Variants in MED16 observed in about 807,000 individuals in gnomAD.
MED16 encodes the protein mediator complex subunit 16.
A neutral mutation model predicts 84.4 loss-of-function variants in MED16; 81 were observed. The observed-to-expected ratio is 0.96, with a 90% CI of 0.80 to 1.15. MED16 has a LOEUF of 1.15. Ranked by LOEUF, MED16 falls within the 50% of genes most tolerant of loss-of-function variation. MED16 has a pLI of 0.00. For missense variants in MED16, 1,585 were observed against 1,245.9 expected, an observed-to-expected ratio of 1.27 and a Z score of -4.10; for synonymous variants, 897 against 552.2, an observed-to-expected ratio of 1.62 and a Z score of -8.76.
intron 6 of MED16, 83 bp from the exon 7 acceptor site, chr19:881,797 T>G (rs897125601): frequency 3.3e-6 from 5 of 1,502,824 alleles, no homozygotes; most frequent in Non-Finnish European, 4.5e-6. Flanking sequence ...CATGGCCTGG[T>G]GTGCAACCTG....
Position 871,428 on chromosome 19 carries a change from C to T in MED16, c.2099-175G>A, listed in dbSNP as rs544944778. On this transcript the variant is annotated intron_variant, in intron 12 of 15. Transcript: ENST00000325464. Reference sequence around the variant, plus strand: ...CAGGTCGGGGCCCCGGCTCTGCCTGCCTGGCTGGGTGACCCCAGAGTTCTC... The same window carrying T: ...CAGGTCGGGGCCCCGGCTCTGCCTGTCTGGCTGGGTGACCCCAGAGTTCTC... Among the ~76,000 whole-genome samples the T allele has an allele frequency of 3.9e-5, 6 of 152,224 alleles. No homozygotes were observed. In the South Asian group the frequency reaches 6.2e-4, roughly 16 times the overall value.
chr19:877,090 T>C lies in MED16; in HGVS notation c.1444A>G (p.Met482Val). 6.2e-7 allele frequency: 1 copy of C among 1,612,662 alleles called. No individual in the cohort carries two copies. Among genetic ancestry groups the C allele is most frequent in the Non-Finnish European group, 8.5e-7 (1 of 1,179,892 alleles). ...RHLLFLLEYC[M>V]VTGYDWWDIL... ...TCCCACCAGTCGTAGCCGGTCACCATGCAGTACTCCAGCAGGAAGAGCAGG... is the reference window on the plus strand; with the variant it reads ...TCCCACCAGTCGTAGCCGGTCACCACGCAGTACTCCAGCAGGAAGAGCAGG... Residue 482 changes from methionine (M) to valine (V), a missense_variant, in exon 9 of 16, where the codon ATG becomes GTG. Coordinates refer to ENST00000325464, the MANE Select transcript of MED16 (RefSeq NM_005481.3).
chr19:870,092 CG>C (rs148143550), intron 13 of MED16, among the ~76,000 whole-genome samples: 3,731 of 152,296 alleles, frequency 0.024, 160 homozygotes, highest in African/African-American at 0.085. Context: ...CTCTTGCCCC[CG>C]GGAGATCCTC....
At chr19:871,553 C>T in intron 12 of MED16, 3 of 1,588,778 alleles carry the variant, frequency 1.9e-6, no homozygotes, top group Non-Finnish European at 2.6e-6. Flanking sequence ...AATGACACAG[C>T]TCACCCTCCT....
rs1314248123 is a variant in MED16, at chr19:889,794, C to T, written c.291G>A (p.Leu97=). ...TGATCTGCCCGTCGGCATCTGCTGA[C>T]AGGAGCCGGGAGCCTGAGGGCAAGA... ...LEWDQSGSRL[L]SADADGQIKC... Residue 97 remains leucine, a synonymous_variant, in exon 4 of 16, where the codon CTG becomes CTA. Transcript: ENST00000325464. The T allele has an allele frequency of 1.2e-6, 2 of 1,611,524 alleles. No homozygotes were observed. Among genetic ancestry groups the T allele is most frequent in the Non-Finnish European group, 1.7e-6 (2 of 1,179,236 alleles).
intron 6 of MED16, among the ~76,000 whole-genome samples, chr19:882,846 A>G: frequency 6.6e-6 from 1 of 152,140 alleles, no homozygotes; most frequent in East Asian, 1.9e-4. Context: ...ACGGGCCATC[A>G]CGGTCACAGA....
rs369178757 is a variant in MED16, at chr19:868,411, C to T, written c.2483+5G>A. On this transcript the variant is annotated splice_donor_5th_base_variant and intron_variant, in intron 15 of 15. Transcript: ENST00000325464. ...AGGGGCACCCGCCACCAGAGCCCAC[C>T]GCACAGGCAGTTCTTGATCCAGCGC... 2.3e-5 allele frequency: 37 copies of T among 1,609,416 alleles called. No homozygotes were observed. The highest frequency in any genetic ancestry group is 2.8e-5 in the Non-Finnish European group (33 of 1,179,846).
chr19:890,304 G>T, intron 2 of MED16, 60 bp from the exon 3 acceptor site: 1 of 1,225,710 alleles, frequency 8.2e-7, no homozygotes, highest in Non-Finnish European at 1.1e-6. Flanking sequence ...CGATGACGAT[G>T]ACTCCAGGCA....
chr19:877,476 T>A (rs1366540258), intron 8 of MED16, among the ~76,000 whole-genome samples: 1 of 150,158 alleles, frequency 6.7e-6, no homozygotes, highest in Non-Finnish European at 1.5e-5. Context: ...GGCGGTCCTC[T>A]CAACAGCTCC....
Position 885,838 on chromosome 19 carries a change from G to C in MED16, c.811C>G (p.Leu271Val), listed in dbSNP as rs768685538. 3 of 1,613,714 alleles carry C rather than the reference G, an allele frequency of 1.9e-6. No homozygotes were observed. The highest frequency in any genetic ancestry group is 1.7e-6 in the Non-Finnish European group (2 of 1,179,976). The change falls in exon 5 of 16, where the codon CTC becomes GTC. Residue 271 changes from leucine (L) to valine (V), a missense_variant. By Grantham distance (32) the Leu-to-Val change is conservative. Coordinates refer to ENST00000325464, the MANE Select transcript of MED16 (RefSeq NM_005481.3). ...PSLFMRCTTDLNRKDKFPAIT... is the reference protein window; with the variant it reads ...PSLFMRCTTDVNRKDKFPAIT... ...GCGGGAAACTTGTCCTTGCGGTTGA[G>C]GTCGGTGGTGCAGCGCATGAACAGG...
intron 10 of MED16, 26 bp from the exon 11 acceptor site, chr19:873,608 G>A: frequency 6.2e-7 from 1 of 1,610,794 alleles, no homozygotes; most frequent in Non-Finnish European, 8.5e-7. Context: ...GGTCGGGTCA[G>A]CTCGGGCCTC....
In MED16 at chr19:889,810, G is replaced by A. The variant is rs757603192; in HGVS notation, c.278-3C>T. Reference sequence around the variant, plus strand: ...ATCTGCTGACAGGAGCCGGGAGCCTGAGGGCAAGAAGCCATCATTGCGAAC... The same window carrying A: ...ATCTGCTGACAGGAGCCGGGAGCCTAAGGGCAAGAAGCCATCATTGCGAAC... On this transcript the variant is annotated splice_polypyrimidine_tract_variant and splice_region_variant and intron_variant, in intron 3 of 15. Coordinates refer to ENST00000325464, the MANE Select transcript of MED16 (RefSeq NM_005481.3). The A allele has an allele frequency of 2.5e-6, 4 of 1,608,306 alleles. No individual in the cohort carries two copies. The African/African-American group carries it at 5.3e-5, about 21-fold the overall frequency.
chr19:890,349 G>T (rs1489593848), intron 2 of MED16, 105 bp from the exon 3 acceptor site: 1 of 738,552 alleles, frequency 1.4e-6, no homozygotes, highest in East Asian at 2.8e-5. Flanking sequence ...CCCACCCCAG[G>T]AAGGTCACAG....
At chr19:879,380 G>A (rs145251549) in intron 8 of MED16, among the ~76,000 whole-genome samples, 2 of 33,002 alleles carry the variant, frequency 6.1e-5, no homozygotes, top group African/African-American at 2.2e-4. Context: ...AGCCCCAGCC[G>A]CACATGCCCC....
chr19:886,344 G>T, intron 4 of MED16, 143 bp from the exon 5 acceptor site: 1 of 699,428 alleles, frequency 1.4e-6, no homozygotes, highest in Admixed American at 3.4e-5. Flanking sequence ...GGCCACCTGA[G>T]CCGTGTGGGA....
rs778772888 is a variant in MED16 at position 884,909 on chromosome 19, G to C, written c.979C>G (p.Pro327Ala). 6.2e-7 allele frequency: 1 copy of C among 1,606,734 alleles called. No individual in the cohort carries two copies. The highest frequency in any genetic ancestry group is 8.5e-7 in the Non-Finnish European group (1 of 1,178,314). ...PVNNIFQQIS[P>A]VVGDKQPTIL... is the part of the protein sequence containing the mutation. ...CAGCCGGCGGGAGACTCACCCACGG[G>C]GGAGATCTGCTGGAAGATGTTGTTC... Residue 327 changes from proline to alanine, a missense_variant, in exon 6 of 16, where the codon CCC becomes GCC. Transcript: ENST00000325464.
chr19:891,602 G>A (rs2036635593), intron 1 of MED16, among the ~76,000 whole-genome samples: 1 of 151,540 alleles, frequency 6.6e-6, no homozygotes, highest in African/African-American at 2.4e-5. Flanking sequence ...TGAGTGACAG[G>A]GAACACCTGT....
At chr19:876,819 C>T (rs1220923704) in intron 9 of MED16, among the ~76,000 whole-genome samples, 155 bp downstream of exon 9, 1 of 151,992 alleles carries the variant, frequency 6.6e-6, no homozygotes, top group African/African-American at 2.4e-5. Flanking sequence ...CTTTACTGAC[C>T]ACGGGGCCCC....
chr19:886,294 G>A, intron 4 of MED16, 93 bp from the exon 5 acceptor site: 1 of 1,133,460 alleles, frequency 8.8e-7, no homozygotes, highest in Non-Finnish European at 1.2e-6. Flanking sequence ...GAACCACGCA[G>A]AAGCCAGGAG....
Sources: allele counts gnomAD v4.1 joint callset (sites outside exome capture counted in the v4.1 genomes callset), GRCh38; gene constraint gnomAD v4.1.1; transcripts MANE v1.5; gene names NCBI Gene and HGNC (gene_info 2026-07-23, HGNC 2026-07-21).